Variants in MTMR3 observed in about 807,000 individuals in gnomAD.
The protein encoded by MTMR3 is myotubularin related protein 3.
A neutral mutation model predicts 132.4 loss-of-function variants in MTMR3; 32 were observed. The observed-to-expected ratio is 0.24, with a 90% CI of 0.18 to 0.32. MTMR3 has a LOEUF of 0.32. Ranked by LOEUF, MTMR3 falls within the 10% of genes least tolerant of loss-of-function variation. MTMR3 has a pLI of 1.00. For missense variants in MTMR3, 1,216 were observed against 1,489.6 expected (o/e 0.82, Z 3.02); for synonymous variants, 556 against 550.3 (o/e 1.01, Z -0.14).
At chr22:29,977,710 G>A (rs1399223007) in intron 3 of MTMR3, among the ~76,000 whole-genome samples, 4 of 152,084 alleles carry the variant, frequency 2.6e-5, no homozygotes, top group South Asian at 2.1e-4. Flanking sequence ...CTTATGTCCC[G>A]CTTCTTCCTT....
At chr22:30,010,305 C>T (rs907091726) in intron 12 of MTMR3, 8 of 152,122 alleles carry the variant, frequency 5.3e-5, no homozygotes, top group African/African-American at 1.9e-4. Context: ...TGATCTAATA[C>T]CCTCCATATA....
At chr22:29,977,607 A>T (rs2066654843) in intron 3 of MTMR3, among the ~76,000 whole-genome samples, 1 of 152,106 alleles carries the variant, frequency 6.6e-6, no homozygotes, top group Non-Finnish European at 1.5e-5. Flanking sequence ...CTATTATGAA[A>T]ATTTCACATA....
At chr22:29,894,136 C>A (rs9614102) in intron 1 of MTMR3, among the ~76,000 whole-genome samples, 8 of 152,046 alleles carry the variant, frequency 5.3e-5, no homozygotes, top group African/African-American at 1.9e-4. Flanking sequence ...TGAGCCACCA[C>A]GCTCAGCCAA....
chr22:29,933,480 T>C (rs560094588), intron 1 of MTMR3, among the ~76,000 whole-genome samples: 11 of 152,286 alleles, frequency 7.2e-5, no homozygotes, highest in African/African-American at 2.4e-4. Context: ...TTTTAGTATA[T>C]TTTTAATCTT....
intron 15 of MTMR3, chr22:30,017,042 G>A: frequency 5.1e-6 from 1 of 197,716 alleles, no homozygotes; most frequent in South Asian, 1.1e-4. Flanking sequence ...TGCACTGATA[G>A]CTCAGAATGA....
intron 1 of MTMR3, among the ~76,000 whole-genome samples, chr22:29,910,740 AC>A (rs2145746523): frequency 6.8e-6 from 1 of 147,276 alleles, no homozygotes; most frequent in African/African-American, 2.5e-5. Context: ...ACCTGTTAAG[AC>A]TTTTTTTTTC....
intron 7 of MTMR3, chr22:29,995,096 A>T (rs969822774): frequency 1.3e-5 from 2 of 152,232 alleles, no homozygotes; most frequent in Admixed American, 6.5e-5. Context: ...CATCAGGCCT[A>T]CCTCTCTAAC....
At chr22:29,894,980 A>G (rs1197051898) in intron 1 of MTMR3, among the ~76,000 whole-genome samples, 1 of 152,192 alleles carries the variant, frequency 6.6e-6, no homozygotes, top group Non-Finnish European at 1.5e-5. Context: ...TGGGAGGCCA[A>G]GGTGGGCAGG....
At chr22:29,928,029 C>T (rs1488858528) in intron 1 of MTMR3, among the ~76,000 whole-genome samples, 1 of 150,586 alleles carries the variant, frequency 6.6e-6, no homozygotes, top group Non-Finnish European at 1.5e-5. Flanking sequence ...CAAACTCCAC[C>T]TCCTGGGTTC....
intron 2 of MTMR3, among the ~76,000 whole-genome samples, chr22:29,957,780 C>CT (rs2066229006): frequency 6.6e-6 from 1 of 152,170 alleles, no homozygotes; most frequent in Admixed American, 6.5e-5. Flanking sequence ...GCAGTTCCCC[C>CT]TTACCTTCTT....
At chr22:29,950,838 A>C (rs1472478421) in intron 1 of MTMR3, among the ~76,000 whole-genome samples, 1 of 152,240 alleles carries the variant, frequency 6.6e-6, no homozygotes, top group Non-Finnish European at 1.5e-5. Context: ...TGTTAATGAT[A>C]TATCAGTATA....
intron 1 of MTMR3, among the ~76,000 whole-genome samples, chr22:29,916,042 T>G (rs1399530078): frequency 6.6e-6 from 1 of 152,260 alleles, no homozygotes; most frequent in Non-Finnish European, 1.5e-5. Context: ...TCCTATCTTC[T>G]GTTCTTTTTG....
intron 7 of MTMR3, chr22:29,995,979 G>A (rs777194717): frequency 1.3e-5 from 2 of 152,208 alleles, no homozygotes; most frequent in Non-Finnish European, 2.9e-5. Context: ...AGTGGGTATT[G>A]TTTTGTGAAA....
Position 29,978,425 on chromosome 22 carries a change from G to A in MTMR3, c.4-17G>A, listed in dbSNP as rs117528977. On this transcript the variant is annotated splice_polypyrimidine_tract_variant and intron_variant, in intron 3 of 19. Transcript: ENST00000401950. Reference sequence around the variant, plus strand: ...TTAGAAGCTTTGAAATTATTTTAAGGTTTTGGACTTTTCCAGGATGAAGAG... The same window carrying A: ...TTAGAAGCTTTGAAATTATTTTAAGATTTTGGACTTTTCCAGGATGAAGAG... 1,459 of 1,597,392 alleles carry A rather than the reference G, an allele frequency of 9.1e-4. 19 individuals carry two copies. In the East Asian group the frequency reaches 0.027, roughly 30 times the overall value.
intron 2 of MTMR3, among the ~76,000 whole-genome samples, chr22:29,966,726 CGTGTGTGTGTGTGTGT>C (rs55960706): frequency 0.16 from 22,821 of 142,818 alleles, 1,748 homozygotes; most frequent in South Asian, 0.22. Flanking sequence ...TAGGGGTGTG[CGTGTGTGTGTGTGTGT>C]GTGTGTGTGT....
rs907739998 is a variant in MTMR3 at position 29,905,704 on chromosome 22, A to G, written c.-138+22345A>G. On this transcript the variant is annotated intron_variant, in intron 1 of 19. Transcript: ENST00000401950. Reference sequence around the variant, plus strand: ...TCTTGCCTTTAATATAATAGCTGCTATGTGGAATTATGTATTTTATGTATT... The same window carrying G: ...TCTTGCCTTTAATATAATAGCTGCTGTGTGGAATTATGTATTTTATGTATT... 3.3e-5 allele frequency among the ~76,000 whole-genome samples: 5 copies of G among 152,294 alleles called. 1 individual carries two copies. Among genetic ancestry groups the G allele is most frequent in the African/African-American group, 9.6e-5 (4 of 41,556 alleles).
Position 30,019,574 on chromosome 22 carries a change from G to A in MTMR3, c.1915G>A (p.Glu639Lys), listed in dbSNP as rs2067694252. Residue 639 changes from glutamate to lysine, a missense_variant, in exon 17 of 20, where the codon GAG becomes AAG. By Grantham distance (56) the Glu-to-Lys change is moderately conservative. Coordinates refer to ENST00000401950, the MANE Select transcript of MTMR3 (RefSeq NM_021090.4). ...GCGCTGCAGCGACCCCAGCCTGAAC[G>A]AGAAGTGGCAGGAGCACCGGCGCTC... Reference protein sequence around the residue: ...SRRCSDPSLNEKWQEHRRSLE... With the variant: ...SRRCSDPSLNKKWQEHRRSLE... 9.9e-6 allele frequency: 16 copies of A among 1,613,830 alleles called. No individual in the cohort carries two copies. Among genetic ancestry groups the A allele is most frequent in the South Asian group, 2.2e-5 (2 of 91,086 alleles).
chr22:30,030,334 A>T lies in MTMR3; in HGVS notation c.*4533A>T, dbSNP rs20013. ...ATTGGCCTTTAACAGCTTCCCAACT[A>T]GCTTATAAGATTTTTTTTTTTAATG... On this transcript the variant is annotated 3_prime_UTR_variant, in exon 20 of 20. Transcript: ENST00000401950. 1 of 152,122 alleles carries T rather than the reference A, an allele frequency of 6.6e-6. No homozygotes were observed. The highest frequency in any genetic ancestry group is 1.5e-5 in the Non-Finnish European group (1 of 68,018). The allele number at this position is 152,122 out of a possible 1,614,324, so 9.4% of individuals were successfully genotyped here.
intron 1 of MTMR3, among the ~76,000 whole-genome samples, chr22:29,948,268 G>C (rs1299092716): frequency 6.6e-6 from 1 of 152,168 alleles, no homozygotes; most frequent in African/African-American, 2.4e-5. Context: ...TTTTCATTCA[G>C]CTTTCTGGTC....
Sources: gnomAD v4.1 joint callset for allele counts (sites outside exome capture counted in the v4.1 genomes callset) on GRCh38, gnomAD v4.1.1 for gene constraint, MANE v1.5 for transcripts, NCBI Gene and HGNC (gene_info 2026-07-23, HGNC 2026-07-21) for gene names.